ZNF326: variants seen among roughly 807,000 people sequenced by gnomAD.
ZNF326 encodes the protein zinc finger protein 326.
In ZNF326, 30 loss-of-function variants were observed where a neutral mutation model predicts 63.1. That is an observed-to-expected ratio of 0.48 (90% CI 0.36 to 0.64). ZNF326 has a LOEUF of 0.64. Ranked by LOEUF, ZNF326 falls within the 30% of genes least tolerant of loss-of-function variation. The pLI is 0.00. For synonymous variants in ZNF326, 194 were observed against 228.2 expected, an observed-to-expected ratio of 0.85 and a Z score of 1.35; for missense variants, 609 against 720.3, an observed-to-expected ratio of 0.85 and a Z score of 1.77.
At chr1:90,023,386 C>T (rs982020103) in intron 11 of ZNF326, among the ~76,000 whole-genome samples, 1 of 152,166 alleles carries the variant, frequency 6.6e-6, no homozygotes, top group East Asian at 1.9e-4. Flanking sequence ...AACAGCTACT[C>T]TGTGAAGAAA....
chr1:90,031,557 CCTT>C lies in ZNF326; in HGVS notation c.*3857_*3859del, dbSNP rs1451517904. The C allele has an allele frequency of 3.3e-5, 5 of 150,314 alleles. No individual in the cohort carries two copies. The highest frequency in any genetic ancestry group is 1.2e-4 in the African/African-American group (5 of 40,772). 9.3% of individuals were successfully genotyped at this position (150,314 alleles called of 1,614,324 possible). On this transcript the variant is annotated 3_prime_UTR_variant, in exon 12 of 12. Coordinates refer to ENST00000340281, the MANE Select transcript of ZNF326 (RefSeq NM_182976.4). ...ATTTAGTGGCATTAATTACAAGCAACCTTTTTTTTTTTTTTTTGAGACATAGCC... is the reference window on the plus strand; with the variant it reads ...ATTTAGTGGCATTAATTACAAGCAACTTTTTTTTTTTTTTGAGACATAGCC...
rs552597889 is a variant in ZNF326 at position 90,027,755 on chromosome 1, AGG to A, written c.*56_*57del. Reference sequence around the variant, plus strand: ...TTACATTTCGGTTCTAATGTAAAAAAGGGTAAGAAATTTAATAGCTTAAAATA... The same window carrying A: ...TTACATTTCGGTTCTAATGTAAAAAAGTAAGAAATTTAATAGCTTAAAATA... On this transcript the variant is annotated 3_prime_UTR_variant, in exon 12 of 12. Coordinates refer to ENST00000340281, the MANE Select transcript of ZNF326 (RefSeq NM_182976.4). The A allele has an allele frequency of 8.8e-5, 137 of 1,552,960 alleles. 2 individuals carry two copies. In the East Asian group the frequency reaches 3.1e-3, roughly 35 times the overall value.
At position 90,030,834 on chromosome 1, in the gene ZNF326, A is replaced by G. The variant is rs908628766; in HGVS notation, c.*3133A>G. On this transcript the variant is annotated 3_prime_UTR_variant, in exon 12 of 12. Transcript: ENST00000340281. ...ACGTGCACCATCACACTCAGCTAAT[A>G]TTTTTTTTGTAGAGATGGGGTCTTG... 2.0e-5 allele frequency: 3 copies of G among 151,830 alleles called. No homozygotes were observed. Among genetic ancestry groups the G allele is most frequent in the Non-Finnish European group, 4.4e-5 (3 of 68,004 alleles). The allele number at this position is 151,830 out of a possible 1,614,324, so 9.4% of individuals were successfully genotyped here.
rs1649042148 is a variant in ZNF326, at chr1:90,007,483, G to A, written c.348G>A (p.Arg116=). 1 of 1,614,116 alleles carries A rather than the reference G, an allele frequency of 6.2e-7. No individual in the cohort carries two copies. The highest frequency in any genetic ancestry group is 8.5e-7 in the Non-Finnish European group (1 of 1,180,014). The part of the protein sequence containing the change: ...SYGGRFESSY[R]NSLDSFGGRN... ...GTGGTCGATTTGAGAGCTCCTACCG[G>A]AATAGCCTTGACTCTTTCGGAGGTA... The change falls in exon 5 of 12, where the codon CGG becomes CGA. Residue 116 remains arginine (R), a synonymous_variant. Coordinates refer to ENST00000340281, the MANE Select transcript of ZNF326 (RefSeq NM_182976.4). This position sits in a 1 kb window ranked among gnomAD's most constrained non-coding sequence, Gnocchi z 4.9.
chr1:90,012,976 A>G, intron 6 of ZNF326, 150 bp from the exon 7 acceptor site: 2 of 505,860 alleles, frequency 4.0e-6, no homozygotes, highest in Non-Finnish European at 6.9e-6. Flanking sequence ...GAAATACTGG[A>G]TAGTCTCAAA....
intron 3 of ZNF326, 27 bp downstream of exon 3, chr1:90,005,065 A>G (rs368834764): frequency 9.8e-5 from 158 of 1,613,886 alleles, no homozygotes; most frequent in Non-Finnish European, 1.1e-4. Flanking sequence ...TATTTATCTA[A>G]AAATTCTTCT....
At chr1:90,010,365 A>G in intron 6 of ZNF326, 79 bp downstream of exon 6, 2 of 1,398,564 alleles carry the variant, frequency 1.4e-6, no homozygotes, top group Non-Finnish European at 2.0e-6. Flanking sequence ...TAATTTTTTC[A>G]TGTTTATATA....
chr1:90,028,434 A>G lies in ZNF326; in HGVS notation c.*733A>G, dbSNP rs1441834697. On this transcript the variant is annotated 3_prime_UTR_variant, in exon 12 of 12. Transcript: ENST00000340281. ...TTAAAACACATTTCAAATAGAAGTG[A>G]GTTTGAACTGACCTTATTTATACTC... 6.6e-6 allele frequency: 1 copy of G among 152,192 alleles called. No individual in the cohort carries two copies. The allele number at this position is 152,192 out of a possible 1,614,324, so 9.4% of individuals were successfully genotyped here.
At chr1:90,003,870 GTTATTGTTGTCA>G (rs1464586662) in intron 2 of ZNF326, among the ~76,000 whole-genome samples, 1 of 151,990 alleles carries the variant, frequency 6.6e-6, no homozygotes, top group East Asian at 1.9e-4. Flanking sequence ...TTATAAAGTT[GTTATTGTTGTCA>G]TTATTGTTGG....
At chr1:90,004,930 C>T (rs1648899377) in intron 2 of ZNF326, 73 bp from the exon 3 acceptor site, 1 of 1,279,680 alleles carries the variant, frequency 7.8e-7, no homozygotes, top group Non-Finnish European at 1.1e-6. Context: ...ATAGGAATAT[C>T]TTGTGTTTTG....
At chr1:90,004,012 G>A (rs1161457428) in intron 2 of ZNF326, among the ~76,000 whole-genome samples, 2 of 151,912 alleles carry the variant, frequency 1.3e-5, no homozygotes, top group Non-Finnish European at 2.9e-5. Context: ...GAGTAATGAG[G>A]GATTTTTAAA....
At chr1:90,023,825 A>G (rs766031348) in intron 11 of ZNF326, among the ~76,000 whole-genome samples, 6 of 152,168 alleles carry the variant, frequency 3.9e-5, no homozygotes, top group Non-Finnish European at 8.8e-5. Context: ...TATCCTGCTC[A>G]TGCACATGTT....
At position 90,007,366 on chromosome 1, in the gene ZNF326, C is replaced by T. The variant is rs763065241; in HGVS notation, c.231C>T (p.Tyr77=). ...GGSRFGPYES[Y]DSRSSLGGRD... ...CCAGGTTTGGACCTTATGAGTCTTACGACTCCAGGTCTTCTCTGGGTGGGC... is the reference window on the plus strand; with the variant it reads ...CCAGGTTTGGACCTTATGAGTCTTATGACTCCAGGTCTTCTCTGGGTGGGC... The change falls in exon 5 of 12, where the codon TAC becomes TAT. Residue 77 remains tyrosine (Y), a synonymous_variant. Transcript: ENST00000340281. This position sits in a 1 kb window ranked among gnomAD's most constrained non-coding sequence, Gnocchi z 4.9. The T allele has an allele frequency of 4.3e-5, 70 of 1,610,754 alleles. No individual in the cohort carries two copies. The highest frequency in any genetic ancestry group is 1.4e-4 in the South Asian group (13 of 90,808).
intron 2 of ZNF326, among the ~76,000 whole-genome samples, chr1:89,999,173 T>C (rs1292618520): frequency 6.6e-6 from 1 of 152,200 alleles, no homozygotes; most frequent in Non-Finnish European, 1.5e-5. Flanking sequence ...ATAAAGATTT[T>C]AAGGCCTTGA....
chr1:90,005,403 A>G, intron 4 of ZNF326, 159 bp downstream of exon 4: 1 of 1,373,700 alleles, frequency 7.3e-7, no homozygotes, highest in Non-Finnish European at 9.4e-7. Context: ...TGGGTATAAA[A>G]TTTAAATCAG....
At chr1:89,996,043 T>G (rs535709937) in intron 1 of ZNF326, among the ~76,000 whole-genome samples, 3 of 152,364 alleles carry the variant, frequency 2.0e-5, no homozygotes, top group Admixed American at 2.0e-4. Flanking sequence ...GACTTACGGA[T>G]TAAATAAACT....
chr1:89,999,462 G>A (rs1301217170), intron 2 of ZNF326, among the ~76,000 whole-genome samples: 1 of 152,152 alleles, frequency 6.6e-6, no homozygotes, highest in Non-Finnish European at 1.5e-5. Flanking sequence ...CTCATGCAGG[G>A]CCAGATGTTT....
At chr1:90,013,103 T>A (rs1466769420) in intron 6 of ZNF326, 23 bp from the exon 7 acceptor site, 1 of 1,585,182 alleles carries the variant, frequency 6.3e-7, no homozygotes, top group Non-Finnish European at 8.6e-7. Context: ...TTTTAGCTTT[T>A]ACTTTTTTGT....
Position 90,020,882 on chromosome 1 carries a change from A to G in ZNF326, c.1265A>G (p.Gln422Arg). The change falls in exon 10 of 12, where the codon CAG becomes CGG. Residue 422 changes from glutamine (Q) to arginine (R), a missense_variant. This residue lies in a region of ZNF326 where 399 missense variants were observed against 444.3 expected (regional missense o/e 0.90). Coordinates refer to ENST00000340281, the MANE Select transcript of ZNF326 (RefSeq NM_182976.4). ...VYIPALHSSV[Q>R]QHLKSPDHIK... ...ATCCCTGCTTTACATAGTTCAGTTC[A>G]GCAGCACTTAAAATCTCCTGATCAT... The G allele has an allele frequency of 6.2e-7, 1 of 1,613,246 alleles. No homozygotes were observed. Among genetic ancestry groups the G allele is most frequent in the Non-Finnish European group, 8.5e-7 (1 of 1,179,402 alleles).
Sources: allele counts gnomAD v4.1 joint callset (sites outside exome capture counted in the v4.1 genomes callset), GRCh38; gene constraint gnomAD v4.1.1; regional missense constraint gnomAD v4.1.1; non-coding constraint Gnocchi (gnomAD v3.1); transcripts MANE v1.5; gene names NCBI Gene and HGNC (gene_info 2026-07-23, HGNC 2026-07-21).